OTUD7B: variants seen among roughly 807,000 people sequenced by gnomAD.
The protein encoded by OTUD7B is OTU deubiquitinase 7B.
OTUD7B carries 34 observed loss-of-function variants against 82.2 expected under a neutral mutation model. That is an observed-to-expected ratio of 0.41 (90% CI 0.31 to 0.55). The LOEUF is 0.55. Among genes scored for constraint, OTUD7B ranks in the 20% least tolerant of loss-of-function variants. The probability of loss-of-function intolerance (pLI) is 0.20; values close to 1 mark genes in which losing one functional copy is unlikely to be tolerated. For synonymous variants in OTUD7B, 398 were observed against 402.7 expected (o/e 0.99, Z 0.14); for missense variants, 944 against 1,062.1 (o/e 0.89, Z 1.55).
intron 9 of OTUD7B, 76 bp downstream of exon 9, chr1:149,949,550 ATTC>A: frequency 6.8e-7 from 1 of 1,462,308 alleles, no homozygotes. Flanking sequence ...ATGTCACTTA[ATTC>A]TTTCCTCCTA....
chr1:150,004,334 C>A (rs587724932), intron 1 of OTUD7B, among the ~76,000 whole-genome samples: 1 of 152,114 alleles, frequency 6.6e-6, no homozygotes, highest in Admixed American at 6.5e-5. Flanking sequence ...CTAAGGTGGG[C>A]GGATCACTTG....
chr1:150,002,770 G>A (rs1050937360), intron 1 of OTUD7B, among the ~76,000 whole-genome samples: 3 of 152,058 alleles, frequency 2.0e-5, no homozygotes, highest in African/African-American at 4.8e-5. Flanking sequence ...AGAAAGCATC[G>A]CAGCCCCGCC....
rs367949752 is a variant in OTUD7B, at chr1:149,944,747, G to C, written c.1642C>G (p.Leu548Val). The change falls in exon 12 of 12, where the codon CTG (leucine) becomes GTG (valine). Residue 548 changes from leucine to valine, a missense_variant. Transcript: ENST00000581312. ...GLGGSSGTET[L>V]EKKKKNSLKS... Reference sequence around the variant, plus strand: ...AGTGAGTTTTTCTTCTTCTTCTCCAGTGTCTCAGTGCCGCTGCTTCCTCCC... The same window carrying C: ...AGTGAGTTTTTCTTCTTCTTCTCCACTGTCTCAGTGCCGCTGCTTCCTCCC... 5 of 1,613,794 alleles carry C rather than the reference G, an allele frequency of 3.1e-6. No individual in the cohort carries two copies. Among genetic ancestry groups the C allele is most frequent in the Non-Finnish European group, 4.2e-6 (5 of 1,179,990 alleles).
chr1:150,057,307 T>A, the OTUD7B span, among the ~76,000 whole-genome samples: 1 of 152,230 alleles, frequency 6.6e-6, no homozygotes, highest in African/African-American at 2.4e-5. Context: ...AAGTTAATAT[T>A]GAAGGAAGTT....
chr1:149,994,305 G>A (rs1268033096), intron 1 of OTUD7B, among the ~76,000 whole-genome samples: 6 of 152,120 alleles, frequency 3.9e-5, no homozygotes, highest in African/African-American at 1.2e-4. Context: ...AAACCCAGCC[G>A]GGCGCAGTGG....
At chr1:149,946,448 A>G (rs1647747195) in intron 11 of OTUD7B, among the ~76,000 whole-genome samples, 1 of 151,984 alleles carries the variant, frequency 6.6e-6, no homozygotes, top group Non-Finnish European at 1.5e-5. Context: ...CGGTTTTTAA[A>G]AAGCAGGAAA....
chr1:150,029,017 C>G, the OTUD7B span, among the ~76,000 whole-genome samples: 2 of 151,486 alleles, frequency 1.3e-5, no homozygotes, highest in East Asian at 3.9e-4. Flanking sequence ...TTTATCAATT[C>G]ATATGCTGAT....
chr1:149,951,158 T>C (rs1553773375), intron 7 of OTUD7B, among the ~76,000 whole-genome samples: 1 of 151,908 alleles, frequency 6.6e-6, no homozygotes, highest in Non-Finnish European at 1.5e-5. Flanking sequence ...AATTTTTTTG[T>C]ATATTTAGTA....
intron 6 of OTUD7B, chr1:149,961,183 C>T (rs1649135292): frequency 6.6e-6 from 1 of 152,156 alleles, no homozygotes; most frequent in African/African-American, 2.4e-5. Context: ...TTTGTCTAAG[C>T]TGTTCCTTCT....
rs587600368 is a variant in OTUD7B, at chr1:149,986,909, T to C, written c.-66-9333A>G. ...TTAGAAAATATGACCAATTTTACTA[T>C]ATTTTTTCTTTTTTCTTTTATCTGT... On this transcript the variant is annotated intron_variant, in intron 1 of 11. Coordinates refer to ENST00000581312, the MANE Select transcript of OTUD7B (RefSeq NM_020205.4). 2.0e-5 allele frequency among the ~76,000 whole-genome samples: 3 copies of C among 152,362 alleles called. No homozygotes were observed. In the East Asian group the frequency reaches 5.8e-4, roughly 29 times the overall value.
chr1:150,059,296 A>AAC, the OTUD7B span, among the ~76,000 whole-genome samples: 5 of 6,804 alleles, frequency 7.3e-4, no homozygotes, highest in Non-Finnish European at 1.2e-3. Flanking sequence ...CTCGTGATCC[A>AAC]CCCCCCCCCC....
In OTUD7B at chr1:149,950,977, ATTTTT is replaced by A. The variant is rs1458504169; in HGVS notation, c.846-761_846-757del. ...CGGTCTAATTTTTTGTACTTTTTGTATTTTTTTTTTTTTTTTTTTTTTGTAGATGG... is the reference window on the plus strand; with the variant it reads ...CGGTCTAATTTTTTGTACTTTTTGTATTTTTTTTTTTTTTTTTGTAGATGG... On this transcript the variant is annotated intron_variant, in intron 7 of 11. Transcript: ENST00000581312. 6.7e-4 allele frequency among the ~76,000 whole-genome samples: 15 copies of A among 22,412 alleles called. 1 individual carries two copies. In the East Asian group the frequency reaches 7.5e-3, roughly 11 times the overall value. 14.7% of individuals were successfully genotyped at this position (22,412 alleles called of 152,430 possible).
At chr1:149,963,235 C>G (rs73008201) in intron 6 of OTUD7B, 1 of 151,572 alleles carries the variant, frequency 6.6e-6, no homozygotes, top group African/African-American at 2.4e-5. Context: ...TATTGCCATA[C>G]TAAATGCCAG....
chr1:150,048,177 C>G, the OTUD7B span, among the ~76,000 whole-genome samples: 2 of 152,002 alleles, frequency 1.3e-5, no homozygotes, highest in African/African-American at 4.8e-5. Context: ...GCAGTCTTCC[C>G]TCATATTTTT....
chr1:150,029,928 T>A, the OTUD7B span, among the ~76,000 whole-genome samples: 2 of 152,190 alleles, frequency 1.3e-5, no homozygotes, highest in African/African-American at 4.8e-5. Context: ...TCATTTTCTC[T>A]GAGTCTATCT....
intron 1 of OTUD7B, among the ~76,000 whole-genome samples, chr1:149,990,991 CA>C (rs782744105): frequency 1.4e-5 from 2 of 146,658 alleles, no homozygotes; most frequent in Non-Finnish European, 3.0e-5. Flanking sequence ...AACTCCGTCG[CA>C]AAAAAAAAAA....
At position 149,962,228 on chromosome 1, in the gene OTUD7B, G is replaced by A. The variant is rs587749628; in HGVS notation, c.732+1994C>T. On this transcript the variant is annotated intron_variant, in intron 6 of 11. Coordinates refer to ENST00000581312, the MANE Select transcript of OTUD7B (RefSeq NM_020205.4). The stretch of plus-strand genomic sequence containing the variant: ...GTTTTAATGTACACAGCCACTAGGT[G>A]GTGTACAACTTCTAGCCTTAACATT... 4.6e-5 allele frequency: 7 copies of A among 152,204 alleles called. No individual in the cohort carries two copies. In the East Asian group the frequency reaches 1.3e-3, roughly 29 times the overall value. 9.4% of individuals were successfully genotyped at this position (152,204 alleles called of 1,614,324 possible).
the OTUD7B span, among the ~76,000 whole-genome samples, chr1:150,019,048 C>T: frequency 6.6e-6 from 1 of 152,204 alleles, no homozygotes; most frequent in African/African-American, 2.4e-5. Context: ...CACACATCTA[C>T]AATAATTAGG....
chr1:149,946,844 G>C (rs929440988), intron 11 of OTUD7B, among the ~76,000 whole-genome samples: 10 of 150,880 alleles, frequency 6.6e-5, no homozygotes, highest in African/African-American at 2.4e-4. Context: ...TCTGAGGTCA[G>C]GCATTCGAGA....
Sources: allele counts gnomAD v4.1 joint callset (sites outside exome capture counted in the v4.1 genomes callset), GRCh38; gene constraint gnomAD v4.1.1; transcripts MANE v1.5; gene names NCBI Gene and HGNC (gene_info 2026-07-23, HGNC 2026-07-21).